ALPK2: variants seen among roughly 807,000 people sequenced by gnomAD.
The protein encoded by ALPK2 is alpha kinase 2.
A neutral mutation model predicts 163.1 loss-of-function variants in ALPK2; 127 were observed. The ratio of observed to expected loss-of-function variants is 0.78; its 90% CI spans 0.67 to 0.90. ALPK2 has a LOEUF of 0.90. Among genes scored for constraint, ALPK2 ranks in the 40% least tolerant of loss-of-function variants. The probability of loss-of-function intolerance (pLI) is 0.00; values close to 1 mark genes in which losing one functional copy is unlikely to be tolerated. For synonymous variants in ALPK2, 953 were observed against 959.1 expected (o/e 0.99, Z 0.12); for missense variants, 2,360 against 2,589.6 (o/e 0.91, Z 1.92).
intron 10 of ALPK2, among the ~76,000 whole-genome samples, chr18:58,512,501 G>A (rs914002390): frequency 6.6e-6 from 1 of 152,210 alleles, no homozygotes; most frequent in Non-Finnish European, 1.5e-5. Context: ...TGGCAGTGGG[G>A]GAGGGGGACA....
At chr18:58,618,624 G>A (rs985943900) in intron 1 of ALPK2, among the ~76,000 whole-genome samples, 4 of 152,204 alleles carry the variant, frequency 2.6e-5, no homozygotes, top group South Asian at 2.1e-4. Context: ...AGTGTTAGCC[G>A]CTGCCAGTGG....
chr18:58,485,285 C>A (rs2051332765), intron 12 of ALPK2, among the ~76,000 whole-genome samples: 1 of 152,204 alleles, frequency 6.6e-6, no homozygotes, highest in African/African-American at 2.4e-5. Flanking sequence ...ATCAGGCCTC[C>A]TTCATTGGCT....
intron 4 of ALPK2, among the ~76,000 whole-genome samples, chr18:58,548,908 C>T (rs2051734599): frequency 6.6e-6 from 1 of 152,128 alleles, no homozygotes; most frequent in Non-Finnish European, 1.5e-5. Flanking sequence ...GAAGGTTTTG[C>T]CTCTTCAGTC....
At chr18:58,560,670 T>A (rs1270006425) in intron 4 of ALPK2, among the ~76,000 whole-genome samples, 1 of 152,212 alleles carries the variant, frequency 6.6e-6, no homozygotes, top group African/African-American at 2.4e-5. Flanking sequence ...TATTCACAGG[T>A]TCTGAGAATC....
At chr18:58,517,815 C>T (rs1192401054) in intron 8 of ALPK2, among the ~76,000 whole-genome samples, 1 of 150,650 alleles carries the variant, frequency 6.6e-6, no homozygotes, top group Non-Finnish European at 1.5e-5. Context: ...AAACAGGTAG[C>T]AATAAACAAA....
intron 11 of ALPK2, among the ~76,000 whole-genome samples, chr18:58,502,398 A>G (rs968007042): frequency 2.6e-5 from 4 of 152,122 alleles, no homozygotes; most frequent in African/African-American, 4.8e-5. Flanking sequence ...GGAACCATTT[A>G]TTATGTGGCA....
intron 3 of ALPK2, among the ~76,000 whole-genome samples, chr18:58,600,027 C>CTT (rs1166291584): frequency 0.056 from 3,755 of 66,808 alleles, 832 homozygotes; most frequent in African/African-American, 0.14. Context: ...ATGGGGATAT[C>CTT]TTTTTTTTTT....
At chr18:58,602,069 C>A (rs2052073311) in intron 3 of ALPK2, among the ~76,000 whole-genome samples, 1 of 152,162 alleles carries the variant, frequency 6.6e-6, no homozygotes, top group Admixed American at 6.5e-5. Context: ...CACAAGTGAC[C>A]CAGGAAACCT....
At chr18:58,502,246 A>G (rs562092740) in intron 11 of ALPK2, among the ~76,000 whole-genome samples, 1 of 152,082 alleles carries the variant, frequency 6.6e-6, no homozygotes, top group Admixed American at 6.5e-5. Flanking sequence ...TCCCAGCTAC[A>G]TGGCAGGATG....
chr18:58,622,346 C>CA (rs2052206568), intron 1 of ALPK2, among the ~76,000 whole-genome samples: 1 of 151,998 alleles, frequency 6.6e-6, no homozygotes, highest in East Asian at 1.9e-4. Context: ...GACTCTGTCT[C>CA]AAAAAAATAA....
chr18:58,607,290 A>G lies in ALPK2; in HGVS notation c.227+32T>C, dbSNP rs1371597531. 7.6e-6 allele frequency: 11 copies of G among 1,454,324 alleles called. No individual in the cohort carries two copies. The African/African-American group carries it at 1.4e-4, about 19-fold the overall frequency. 90.1% of individuals were successfully genotyped at this position (1,454,324 alleles called of 1,614,324 possible). A position where few individuals can be genotyped will look rare whatever the true frequency, so the allele number is the denominator to read the frequency against. On this transcript the variant is annotated intron_variant, in intron 3 of 12. Transcript: ENST00000361673. ...GCACATGACAGAATATAAGGATATT[A>G]GTAAACAGTCCACAGGGGTATAGCC...
At chr18:58,572,957 T>C (rs1486382430) in intron 4 of ALPK2, among the ~76,000 whole-genome samples, 1 of 152,210 alleles carries the variant, frequency 6.6e-6, no homozygotes, top group African/African-American at 2.4e-5. Context: ...AATGTCACCA[T>C]TGAGGGAACC....
chr18:58,615,113 C>G (rs2052158925), intron 1 of ALPK2, among the ~76,000 whole-genome samples: 1 of 152,104 alleles, frequency 6.6e-6, no homozygotes, highest in Non-Finnish European at 1.5e-5. Flanking sequence ...AGAGCCCGGC[C>G]TATTCTGGAC....
intron 12 of ALPK2, among the ~76,000 whole-genome samples, chr18:58,495,226 T>G (rs149070458): frequency 8.5e-4 from 129 of 152,324 alleles, no homozygotes; most frequent in African/African-American, 2.9e-3. Flanking sequence ...ATATATTTCT[T>G]TTGGGAAAAA....
chr18:58,504,792 G>A (rs954035999), intron 10 of ALPK2, among the ~76,000 whole-genome samples: 1 of 152,186 alleles, frequency 6.6e-6, no homozygotes, highest in African/African-American at 2.4e-5. Context: ...TCTTATGTAG[G>A]GAGGTCAGAG....
intron 1 of ALPK2, among the ~76,000 whole-genome samples, chr18:58,618,535 C>T (rs1259930335): frequency 6.6e-6 from 1 of 152,170 alleles, no homozygotes; most frequent in Non-Finnish European, 1.5e-5. Context: ...ATAGCAGTAT[C>T]TATTCATTTG....
At chr18:58,584,761 A>G (rs748713463) in intron 3 of ALPK2, among the ~76,000 whole-genome samples, 22 of 152,200 alleles carry the variant, frequency 1.4e-4, no homozygotes, top group Non-Finnish European at 2.5e-4. Context: ...CTTGTAGATC[A>G]GGTCTGTGCT....
rs755608490 is a variant in ALPK2 at position 58,611,807 on chromosome 18, C to CCGCA, written c.-14_-11dup. The stretch of plus-strand genomic sequence containing the variant: ...CTTCGGAGTCTTTCATCCTTTCATG[C>CCGCA]CGCACCAAATCTGAAAAAAAAAAAA... On this transcript the variant is annotated 5_prime_UTR_variant, in exon 2 of 13. Transcript: ENST00000361673. The CCGCA allele has an allele frequency of 6.6e-7, 1 of 1,524,608 alleles. No individual in the cohort carries two copies. Among genetic ancestry groups the CCGCA allele is most frequent in the Non-Finnish European group, 8.9e-7 (1 of 1,124,356 alleles). The allele number at this position is 1,524,608 out of a possible 1,614,324, so 94.4% of individuals were successfully genotyped here. A position where few individuals can be genotyped will look rare whatever the true frequency, so the allele number is the denominator to read the frequency against.
At chr18:58,614,183 AAG>A (rs1430912688) in intron 1 of ALPK2, among the ~76,000 whole-genome samples, 2 of 152,210 alleles carry the variant, frequency 1.3e-5, no homozygotes, top group East Asian at 3.8e-4. Context: ...TGGCACTGAA[AAG>A]AGAGAAAACT....
Sources: gnomAD v4.1 joint callset for allele counts (sites outside exome capture counted in the v4.1 genomes callset) on GRCh38, gnomAD v4.1.1 for gene constraint, MANE v1.5 for transcripts, NCBI Gene and HGNC (gene_info 2026-07-23, HGNC 2026-07-21) for gene names.